The following THEMIS variants were observed in gnomAD, a reference collection of about 807,000 sequenced individuals.
THEMIS encodes protein THEMIS.
In THEMIS, 37 loss-of-function variants were observed where a neutral mutation model predicts 52.6. That is an observed-to-expected ratio of 0.70 (90% CI 0.54 to 0.93). THEMIS has a LOEUF of 0.93. Ranked by LOEUF, THEMIS falls within the 40% of genes least tolerant of loss-of-function variation. The pLI is 0.00. For synonymous variants in THEMIS, 292 were observed against 272.7 expected (o/e 1.07, Z -0.70); for missense variants, 808 against 763.1 (o/e 1.06, Z -0.69).
At chr6:127,861,511 C>T (rs1435128941) in intron 1 of THEMIS, among the ~76,000 whole-genome samples, 1 of 151,918 alleles carries the variant, frequency 6.6e-6, no homozygotes, top group Non-Finnish European at 1.5e-5. Flanking sequence ...AGACTGGGCA[C>T]AGTGGCTCAC....
At chr6:127,711,151 T>C (rs1003763736) in intron 5 of THEMIS, among the ~76,000 whole-genome samples, 1 of 151,944 alleles carries the variant, frequency 6.6e-6, no homozygotes, top group South Asian at 2.1e-4. Context: ...TAATTTACTT[T>C]AGGTTACTAA....
At chr6:127,886,944 T>A (rs270019) in intron 1 of THEMIS, among the ~76,000 whole-genome samples, 85,122 of 151,688 alleles carry the variant, frequency 0.56, 25,357 homozygotes, top group East Asian at 0.8. Context: ...AGAAAAACAG[T>A]GGAGAAAAGT....
At chr6:127,902,247 C>A (rs1781154517), upstream of THEMIS, among the ~76,000 whole-genome samples, 1 of 150,498 alleles carries the variant, frequency 6.6e-6, no homozygotes, top group Non-Finnish European at 1.5e-5. Flanking sequence ...ATCACTTGAG[C>A]CCTGGAGTTT....
At chr6:127,867,731 G>A (rs1210476869) in intron 1 of THEMIS, among the ~76,000 whole-genome samples, 2 of 152,092 alleles carry the variant, frequency 1.3e-5, no homozygotes, top group Admixed American at 1.3e-4. Flanking sequence ...AACCTAAAAG[G>A]TGAGGGAAAG....
chr6:127,706,182 G>T (rs570341781), downstream of THEMIS, among the ~76,000 whole-genome samples: 13 of 151,692 alleles, frequency 8.6e-5, no homozygotes, highest in South Asian at 2.7e-3. Flanking sequence ...AAAAAACCTT[G>T]ATGTAATATT....
intron 5 of THEMIS, among the ~76,000 whole-genome samples, chr6:127,716,317 C>T (rs538946001): frequency 1.3e-5 from 2 of 151,816 alleles, no homozygotes; most frequent in South Asian, 2.1e-4. Context: ...GAAGCAATGG[C>T]AGCAATTAAT....
chr6:127,715,121 T>C (rs1410253154), intron 5 of THEMIS, among the ~76,000 whole-genome samples: 1 of 151,954 alleles, frequency 6.6e-6, no homozygotes, highest in Non-Finnish European at 1.5e-5. Context: ...AAGAGGGAGA[T>C]AGGTTGCTAT....
intron 4 of THEMIS, among the ~76,000 whole-genome samples, chr6:127,730,475 C>G (rs919625854): frequency 7.9e-6 from 1 of 126,928 alleles, no homozygotes; most frequent in African/African-American, 3.0e-5. Context: ...GAGAAAGAGA[C>G]AGAAAGAAGA....
At chr6:127,727,805 T>C (rs1282220535) in intron 4 of THEMIS, among the ~76,000 whole-genome samples, 1 of 152,130 alleles carries the variant, frequency 6.6e-6, no homozygotes, top group Non-Finnish European at 1.5e-5. Flanking sequence ...GTGCCCCACA[T>C]AGGATGTGGT....
At chr6:127,701,161 G>A in the THEMIS span, among the ~76,000 whole-genome samples, 2 of 151,994 alleles carry the variant, frequency 1.3e-5, no homozygotes, top group Non-Finnish European at 2.9e-5. Context: ...TCCCCAGCCA[G>A]TCATAACCAA....
At position 127,855,120 on chromosome 6, in the gene THEMIS, G is replaced by T; in HGVS notation, c.160C>A (p.Leu54Ile). The change falls in exon 2 of 6, where the codon CTC (leucine) becomes ATC (isoleucine). Residue 54 changes from leucine (L) to isoleucine (I), a missense_variant. Physicochemically the swap from Leu to Ile is conservative, Grantham distance 5. Coordinates refer to ENST00000368248, the MANE Select transcript of THEMIS (RefSeq NM_001010923.3). ...TCAGCTATGATCTTCTTAACTTTGA[G>T]ACCAGTAATTTTAATCACTTCTCCT... ...STGEVIKITG[L>I]KVKKIIAEIC... The T allele has an allele frequency of 6.2e-7, 1 of 1,610,662 alleles. No homozygotes were observed. Among genetic ancestry groups the T allele is most frequent in the African/African-American group, 1.3e-5 (1 of 74,744 alleles).
At chr6:127,845,897 C>A (rs186195103) in intron 2 of THEMIS, among the ~76,000 whole-genome samples, 2 of 151,968 alleles carry the variant, frequency 1.3e-5, no homozygotes, top group East Asian at 3.9e-4. Context: ...TAAACACATG[C>A]CCAGGACTGT....
rs757365366 is a variant in THEMIS, at chr6:127,799,583, CTTTT to C, written c.1758+13296_1758+13299del. Among the ~76,000 whole-genome samples, 509 of 125,172 alleles carry C rather than the reference CTTTT, an allele frequency of 4.1e-3. 2 individuals are homozygous for C. Among genetic ancestry groups the C allele is most frequent in the Middle Eastern group, 8.1e-3 (2 of 246 alleles). The allele number at this position is 125,172 out of a possible 152,430, so 82.1% of individuals were successfully genotyped here. On this transcript the variant is annotated intron_variant, in intron 4 of 5. Transcript: ENST00000368248. ...TCTTTCTTTCTTTCTTTCTTTCTTTCTTTTTTTCTTTCTTTCCTTCTTTCTTTTC... is the reference window on the plus strand; with the variant it reads ...TCTTTCTTTCTTTCTTTCTTTCTTTCTTTCTTTCTTTCCTTCTTTCTTTTC...
intron 4 of THEMIS, among the ~76,000 whole-genome samples, chr6:127,729,138 TA>T (rs2114514858): frequency 1.5e-5 from 2 of 134,526 alleles, no homozygotes; most frequent in East Asian, 4.9e-4. Flanking sequence ...TTTACCAATT[TA>T]TTCTCTCTCT....
At chr6:127,890,348 T>C (rs1047167091) in intron 1 of THEMIS, among the ~76,000 whole-genome samples, 7 of 152,190 alleles carry the variant, frequency 4.6e-5, no homozygotes, top group African/African-American at 1.7e-4. Context: ...AGTTAATATG[T>C]TTTATTCTCA....
intron 1 of THEMIS, among the ~76,000 whole-genome samples, chr6:127,880,776 A>G (rs1244791415): frequency 6.6e-6 from 1 of 152,148 alleles, no homozygotes; most frequent in Non-Finnish European, 1.5e-5. Flanking sequence ...TATGTAGAGT[A>G]GCTGAAAATT....
chr6:127,800,584 T>A (rs1415414358), intron 4 of THEMIS, among the ~76,000 whole-genome samples: 2 of 152,368 alleles, frequency 1.3e-5, no homozygotes. Context: ...AAAGTATTCA[T>A]TCTGGGTGTG....
At chr6:127,767,323 C>T (rs1227822365) in intron 4 of THEMIS, among the ~76,000 whole-genome samples, 1 of 152,154 alleles carries the variant, frequency 6.6e-6, no homozygotes, top group Non-Finnish European at 1.5e-5. Context: ...AACTCCTGAC[C>T]TCAAGTGATC....
upstream of THEMIS, among the ~76,000 whole-genome samples, chr6:127,902,957 A>T (rs905275040): frequency 6.6e-6 from 1 of 152,028 alleles, no homozygotes; most frequent in African/African-American, 2.4e-5. Flanking sequence ...CCAAACAGCC[A>T]TTTCGTATCA....
Sources: allele counts gnomAD v4.1 joint callset (sites outside exome capture counted in the v4.1 genomes callset), GRCh38; gene constraint gnomAD v4.1.1; transcripts MANE v1.5; gene names NCBI Gene and HGNC (gene_info 2026-07-23, HGNC 2026-07-21).